Variants in SYT7 observed in about 807,000 individuals in gnomAD.
The protein encoded by SYT7 is synaptotagmin 7.
Under a neutral mutation model 75.1 loss-of-function variants are expected in SYT7, and 29 were observed. That is an observed-to-expected ratio of 0.39 (90% CI 0.29 to 0.53). SYT7 has a LOEUF of 0.53. Among genes scored for constraint, SYT7 ranks in the 20% least tolerant of loss-of-function variants. The pLI is 0.77. For missense variants in SYT7, 693 were observed against 953.2 expected (o/e 0.73, Z 3.59); for synonymous variants, 376 against 401.7 (o/e 0.94, Z 0.76).
At chr11:61,541,192 C>T in intron 6 of SYT7, 1 of 985,686 alleles carries the variant, frequency 1.0e-6, no homozygotes, top group Non-Finnish European at 1.2e-6. Flanking sequence ...GCCAATGCTT[C>T]CCTTTCCTCC....
chr11:61,552,776 T>C (rs959551813), intron 2 of SYT7, among the ~76,000 whole-genome samples: 2 of 152,214 alleles, frequency 1.3e-5, no homozygotes, highest in Non-Finnish European at 2.9e-5. Flanking sequence ...ATGCTGCATG[T>C]TCCCCCGTCA....
At chr11:61,566,952 A>C (rs2063786745) in intron 1 of SYT7, among the ~76,000 whole-genome samples, 1 of 152,204 alleles carries the variant, frequency 6.6e-6, no homozygotes. Context: ...TGAGGCTTGG[A>C]GCCGTGAAGG....
At chr11:61,583,705 A>G (rs746262897), upstream of SYT7, among the ~76,000 whole-genome samples, 22 of 152,170 alleles carry the variant, frequency 1.4e-4, no homozygotes, top group Non-Finnish European at 2.9e-4. Flanking sequence ...TCCTCTCCTC[A>G]CGGGCATTAG....
intron 3 of SYT7, among the ~76,000 whole-genome samples, chr11:61,550,429 G>T (rs180790754): frequency 6.6e-6 from 1 of 152,088 alleles, no homozygotes; most frequent in East Asian, 1.9e-4. Flanking sequence ...CCAGCAGCGG[G>T]CAGGGGCCAG....
At chr11:61,521,446 ACCCGAG>A (rs2062328901) in intron 12 of SYT7, among the ~76,000 whole-genome samples, 1 of 152,050 alleles carries the variant, frequency 6.6e-6, no homozygotes, top group Non-Finnish European at 1.5e-5. Context: ...GCTTGGCAAG[ACCCGAG>A]CCCTGGCCAG....
At chr11:61,577,546 G>A (rs373826943) in intron 1 of SYT7, among the ~76,000 whole-genome samples, 2 of 152,144 alleles carry the variant, frequency 1.3e-5, no homozygotes, top group East Asian at 1.9e-4. Context: ...TCCCTCACCC[G>A]CCATCAGCCT....
chr11:61,581,596 A>AT (rs1253140921), upstream of SYT7, among the ~76,000 whole-genome samples: 1 of 152,196 alleles, frequency 6.6e-6, no homozygotes, highest in African/African-American at 2.4e-5. Flanking sequence ...CAGGAGTGGA[A>AT]TTTTTGGCAG....
At chr11:61,568,670 T>C (rs991750020) in intron 1 of SYT7, among the ~76,000 whole-genome samples, 1 of 152,184 alleles carries the variant, frequency 6.6e-6, no homozygotes, top group Admixed American at 6.5e-5. Context: ...CATCCTTCCA[T>C]GTTCTAGAGG....
intron 1 of SYT7, among the ~76,000 whole-genome samples, chr11:61,562,012 GCGCGCA>G (rs2063648704): frequency 6.6e-6 from 1 of 151,462 alleles, no homozygotes; most frequent in African/African-American, 2.4e-5. Flanking sequence ...AAGTGTGTGT[GCGCGCA>G]TGCACACACA....
intron 12 of SYT7, among the ~76,000 whole-genome samples, chr11:61,520,777 T>C (rs1175642827): frequency 6.6e-6 from 1 of 152,152 alleles, no homozygotes; most frequent in Non-Finnish European, 1.5e-5. Context: ...GAGCCAAGAT[T>C]GTGCCACTGT....
chr11:61,547,802 C>T (rs2063236075), intron 3 of SYT7, among the ~76,000 whole-genome samples: 1 of 152,170 alleles, frequency 6.6e-6, no homozygotes, highest in Non-Finnish European at 1.5e-5. Context: ...GCCTCAGTTT[C>T]CCTGCCTGTC....
intron 1 of SYT7, among the ~76,000 whole-genome samples, chr11:61,574,173 G>T (rs955128783): frequency 6.6e-6 from 1 of 152,218 alleles, no homozygotes; most frequent in Non-Finnish European, 1.5e-5. Context: ...AACAGCTACC[G>T]CTGGCTGAGT....
In SYT7 at chr11:61,556,167, G is replaced by C. The variant is rs764503467; in HGVS notation, c.72C>G (p.Ile24Met). The C allele has an allele frequency of 3.7e-6, 6 of 1,613,918 alleles. No individual in the cohort carries two copies. In the East Asian group the frequency reaches 1.1e-4, roughly 30 times the overall value. The part of the protein sequence containing the change: ...SRDVLLVSAI[I>M]TVSLSVTVVL... ...CGACAGTGACGCTAAGGCTGACGGTGATGATGGCAGAGACCAGCAGGACGT... is the reference window on the plus strand; with the variant it reads ...CGACAGTGACGCTAAGGCTGACGGTCATGATGGCAGAGACCAGCAGGACGT... The change falls in exon 2 of 13, where the codon ATC becomes ATG. Residue 24 changes from isoleucine (I) to methionine (M), a missense_variant. Ile to Met is a conservative substitution (Grantham distance 10). Transcript: ENST00000539008.
At chr11:61,527,894 G>A (rs551834363) in intron 9 of SYT7, 21 bp downstream of exon 9, 3 of 1,611,130 alleles carry the variant, frequency 1.9e-6, no homozygotes, top group East Asian at 2.2e-5. Context: ...CCATGGCGGG[G>A]GAAGGTGGCA....
At position 61,533,194 on chromosome 11, in the gene SYT7, G is replaced by A. The variant is rs2062763501; in HGVS notation, c.1065-70C>T. 6 of 1,495,252 alleles carry A rather than the reference G, an allele frequency of 4.0e-6. No homozygotes were observed. In the African/African-American group the frequency reaches 4.2e-5, roughly 11 times the overall value. 92.6% of individuals were successfully genotyped at this position (1,495,252 alleles called of 1,614,324 possible). ...TGCGTTGGGCACCCCGGCCTGGGGGGTGGCAGGACCTTCTCTGAAGACCCC... is the reference window on the plus strand; with the variant it reads ...TGCGTTGGGCACCCCGGCCTGGGGGATGGCAGGACCTTCTCTGAAGACCCC... On this transcript the variant is annotated intron_variant, in intron 7 of 12. Coordinates refer to ENST00000539008, the MANE Select transcript of SYT7 (RefSeq NM_001365809.2).
rs1242793335 is a variant in SYT7, at chr11:61,546,739, TCACCGCCAC to T, written c.347+429_347+437del. On this transcript the variant is annotated intron_variant, in intron 4 of 12. Coordinates refer to ENST00000539008, the MANE Select transcript of SYT7 (RefSeq NM_001365809.2). The surrounding 1 kb of genome is among the most constrained non-coding windows in gnomAD (Gnocchi z 7.6). Reference sequence around the variant, plus strand: ...GAGTTCATCACCACCACCACCACCATCACCGCCACCACCGCCACGAACCACCGACCACCG... The same window carrying T: ...GAGTTCATCACCACCACCACCACCATCACCGCCACGAACCACCGACCACCG... 9.3e-6 allele frequency: 4 copies of T among 428,456 alleles called. No homozygotes were observed. Among genetic ancestry groups the T allele is most frequent in the Admixed American group, 2.6e-5 (1 of 38,958 alleles). The allele number at this position is 428,456 out of a possible 1,614,324, so 26.5% of individuals were successfully genotyped here. A position where few individuals can be genotyped will look rare whatever the true frequency, so the allele number is the denominator to read the frequency against.
intron 12 of SYT7, among the ~76,000 whole-genome samples, chr11:61,520,281 T>C (rs2062280375): frequency 1.3e-5 from 2 of 151,772 alleles, no homozygotes; most frequent in Non-Finnish European, 2.9e-5. Flanking sequence ...CCCAGCACTG[T>C]AGGAGGCCAA....
chr11:61,530,286 G>C (rs775037962), intron 8 of SYT7, among the ~76,000 whole-genome samples: 1 of 151,832 alleles, frequency 6.6e-6, no homozygotes. Flanking sequence ...GGGGCACCGA[G>C]CTGCCTTACA....
rs912147607 is a variant in SYT7, at chr11:61,515,223, C to T, written c.*3404G>A. The T allele has an allele frequency of 1.3e-5, 2 of 152,294 alleles. No individual in the cohort carries two copies. Among genetic ancestry groups the T allele is most frequent in the East Asian group, 3.9e-4 (2 of 5,194 alleles). 9.4% of individuals were successfully genotyped at this position (152,294 alleles called of 1,614,324 possible). A position where few individuals can be genotyped will look rare whatever the true frequency, so the allele number is the denominator to read the frequency against. On this transcript the variant is annotated 3_prime_UTR_variant, in exon 13 of 13. Transcript: ENST00000539008. Reference sequence around the variant, plus strand: ...GGTGACACACTGAGGGGAGGCTCAGCCCCGGGGCCCCCATCCCCTTCACCC... The same window carrying T: ...GGTGACACACTGAGGGGAGGCTCAGTCCCGGGGCCCCCATCCCCTTCACCC...
Sources: gnomAD v4.1 joint callset for allele counts (sites outside exome capture counted in the v4.1 genomes callset) on GRCh38, gnomAD v4.1.1 for gene constraint, Gnocchi (gnomAD v3.1) non-coding constraint, MANE v1.5 for transcripts, NCBI Gene and HGNC (gene_info 2026-07-23, HGNC 2026-07-21) for gene names.